The following FYB1 variants were observed in gnomAD, a reference collection of about 807,000 sequenced individuals.
The protein encoded by FYB1 is FYN-binding protein 1.
In FYB1, 41 loss-of-function variants were observed where a neutral mutation model predicts 94.1. The observed-to-expected ratio is 0.44, with a 90% CI of 0.34 to 0.57. The LOEUF (loss-of-function observed/expected upper bound fraction) is 0.57. Ranked by LOEUF, FYB1 falls within the 20% of genes least tolerant of loss-of-function variation. The pLI is 0.02. For missense variants in FYB1, 1,050 were observed against 976.8 expected (o/e 1.07, Z -1.00); for synonymous variants, 367 against 353.2 (o/e 1.04, Z -0.44).
In FYB1 at chr5:39,202,869, C is replaced by A. The variant is rs376848939; in HGVS notation, c.92G>T (p.Gly31Val). 25 of 1,613,828 alleles carry A rather than the reference C, an allele frequency of 1.5e-5. No homozygotes were observed. Among genetic ancestry groups the A allele is most frequent in the Non-Finnish European group, 4.2e-6 (5 of 1,179,902 alleles). ...GAATAAGTTCTTTCTTGCTTGTATTCCTGAAGATGAGTTTGGCCCTGTGAC... is the reference window on the plus strand; with the variant it reads ...GAATAAGTTCTTTCTTGCTTGTATTACTGAAGATGAGTTTGGCCCTGTGAC... ...FRVTGPNSSS[G>V]IQARKNLFNN... Residue 31 changes from glycine (G) to valine (V), a missense_variant, in exon 2 of 19, where the codon GGA (glycine) becomes GTA (valine). Coordinates refer to ENST00000512982, the MANE Select transcript of FYB1 (RefSeq NM_001465.6).
intron 1 of FYB1, among the ~76,000 whole-genome samples, chr5:39,240,907 T>C (rs1476744041): frequency 6.6e-6 from 1 of 152,150 alleles, no homozygotes; most frequent in Non-Finnish European, 1.5e-5. Flanking sequence ...ATAGCAAAGA[T>C]ACAGAGTCAA....
chr5:39,231,040 G>T (rs998107716), intron 1 of FYB1, among the ~76,000 whole-genome samples: 2 of 146,830 alleles, frequency 1.4e-5, no homozygotes, highest in African/African-American at 5.0e-5. Flanking sequence ...ATATTGATTA[G>T]AACAAGGAGG....
At chr5:39,240,227 A>G (rs754551778) in intron 1 of FYB1, among the ~76,000 whole-genome samples, 12 of 152,230 alleles carry the variant, frequency 7.9e-5, no homozygotes, top group Non-Finnish European at 1.2e-4. Context: ...ACCCTGGAAG[A>G]TAACCTAGGA....
chr5:39,165,250 C>G (rs958953661), intron 2 of FYB1, among the ~76,000 whole-genome samples: 5 of 152,120 alleles, frequency 3.3e-5, no homozygotes, highest in African/African-American at 1.2e-4. Context: ...TACGACAAGG[C>G]TATAGCAACC....
At chr5:39,153,877 G>A (rs1477176183) in intron 2 of FYB1, among the ~76,000 whole-genome samples, 2 of 152,114 alleles carry the variant, frequency 1.3e-5, no homozygotes, top group African/African-American at 4.8e-5. Context: ...GGGCTTTCGA[G>A]ATCTTCCTGC....
rs6868792 is a variant in FYB1, at chr5:39,134,633, C to T, written c.1675+222G>A. 0.42 allele frequency among the ~76,000 whole-genome samples: 64,401 copies of T among 151,938 alleles called. 16,422 individuals carry two copies. Among genetic ancestry groups the T allele is most frequent in the African/African-American group, 0.72 (29,672 of 41,472 alleles). On this transcript the variant is annotated intron_variant, in intron 8 of 18. Transcript: ENST00000512982. Reference sequence around the variant, plus strand: ...CATCAATGAAAAACCTAATGCTGTTCGTTCCTCCTGGAATAATATAAAACT... The same window carrying T: ...CATCAATGAAAAACCTAATGCTGTTTGTTCCTCCTGGAATAATATAAAACT...
At chr5:39,261,502 T>C (rs919204703) in intron 1 of FYB1, among the ~76,000 whole-genome samples, 1 of 152,088 alleles carries the variant, frequency 6.6e-6, no homozygotes. Flanking sequence ...CTCCCAGCAC[T>C]TTGGGAGGCC....
rs751617975 is a variant in FYB1, at chr5:39,153,481, G to A, written c.1259C>T (p.Pro420Leu). 6 of 1,613,952 alleles carry A rather than the reference G, an allele frequency of 3.7e-6. No individual in the cohort carries two copies. Among genetic ancestry groups the A allele is most frequent in the Middle Eastern group, 1.6e-4 (1 of 6,062 alleles). Residue 420 changes from proline to leucine, a missense_variant, in exon 3 of 19, where the codon CCT becomes CTT. Pro to Leu is a moderately conservative substitution (Grantham distance 98). Coordinates refer to ENST00000512982, the MANE Select transcript of FYB1 (RefSeq NM_001465.6). Reference sequence around the variant, plus strand: ...AAACGGAGGTTTAATGTTTCTGGGAGGTAGGCTTGGGACTGGTGGTTGTGA... The same window carrying A: ...AAACGGAGGTTTAATGTTTCTGGGAAGTAGGCTTGGGACTGGTGGTTGTGA... ...HPSQPPVPSL[P>L]PRNIKPPFDL... is the part of the protein sequence containing the mutation.
intron 16 of FYB1, among the ~76,000 whole-genome samples, chr5:39,117,034 C>T (rs1580303774): frequency 1.3e-5 from 2 of 152,094 alleles, no homozygotes; most frequent in East Asian, 3.9e-4. Context: ...TCTGCTTGTG[C>T]CCTGGAGAGA....
intron 3 of FYB1, among the ~76,000 whole-genome samples, chr5:39,149,023 C>T (rs1262236409): frequency 6.6e-6 from 1 of 152,202 alleles, no homozygotes; most frequent in Admixed American, 6.5e-5. Flanking sequence ...TAAACATGCT[C>T]TTTTGACCCA....
chr5:39,230,844 TACACACACACACACACACAC>T (rs10641788), intron 1 of FYB1, among the ~76,000 whole-genome samples: 1 of 143,540 alleles, frequency 7.0e-6, no homozygotes, highest in Non-Finnish European at 1.5e-5. Flanking sequence ...TGTCTCAGTA[TACACACACACACACACACAC>T]ACACACACAC....
chr5:39,240,680 G>T (rs925000465), intron 1 of FYB1, among the ~76,000 whole-genome samples: 1 of 152,182 alleles, frequency 6.6e-6, no homozygotes, highest in African/African-American at 2.4e-5. Flanking sequence ...ACAGATGCTG[G>T]CAAGATTGAG....
intron 2 of FYB1, among the ~76,000 whole-genome samples, chr5:39,174,558 A>G (rs1224648081): frequency 6.6e-6 from 1 of 152,072 alleles, no homozygotes; most frequent in Non-Finnish European, 1.5e-5. Flanking sequence ...CCTGAAAAAC[A>G]CTCTCCCTTT....
chr5:39,174,402 A>G (rs1745519301), intron 2 of FYB1, among the ~76,000 whole-genome samples: 1 of 152,194 alleles, frequency 6.6e-6, no homozygotes, highest in South Asian at 2.1e-4. Flanking sequence ...AAGTCTTTGA[A>G]TTTACTGTTC....
chr5:39,159,267 AC>A (rs1451944317), intron 2 of FYB1, among the ~76,000 whole-genome samples: 1 of 152,178 alleles, frequency 6.6e-6, no homozygotes, highest in Non-Finnish European at 1.5e-5. Flanking sequence ...CGGCATATAG[AC>A]TTTTATTTTC....
At chr5:39,225,907 A>G (rs1046571066) in intron 1 of FYB1, among the ~76,000 whole-genome samples, 1 of 152,194 alleles carries the variant, frequency 6.6e-6, no homozygotes, top group Non-Finnish European at 1.5e-5. Context: ...TAATAGTGTT[A>G]ACAAGTTCCT....
At position 39,105,397 on chromosome 5, in the gene FYB1, CT is replaced by C. The variant is rs1162039732; in HGVS notation, c.*2045del. 1 of 152,096 alleles carries C rather than the reference CT, an allele frequency of 6.6e-6. No individual in the cohort carries two copies. The highest frequency in any genetic ancestry group is 1.5e-5 in the Non-Finnish European group (1 of 68,016). 9.4% of individuals were successfully genotyped at this position (152,096 alleles called of 1,614,324 possible). ...TAAGATGATTATCTATTGTGTAAATCTTTCCTAGGTATGTGTGTCTGTTTCT... is the reference window on the plus strand; with the variant it reads ...TAAGATGATTATCTATTGTGTAAATCTTCCTAGGTATGTGTGTCTGTTTCT... On this transcript the variant is annotated 3_prime_UTR_variant, in exon 19 of 19. Coordinates refer to ENST00000512982, the MANE Select transcript of FYB1 (RefSeq NM_001465.6).
intron 2 of FYB1, among the ~76,000 whole-genome samples, chr5:39,192,903 G>A (rs1747489157): frequency 6.6e-6 from 1 of 152,166 alleles, no homozygotes; most frequent in Admixed American, 6.5e-5. Flanking sequence ...TTTCTCATAG[G>A]CCAGCTCCAG....
At chr5:39,196,105 G>A (rs1747809642) in intron 2 of FYB1, among the ~76,000 whole-genome samples, 1 of 151,906 alleles carries the variant, frequency 6.6e-6, no homozygotes, top group African/African-American at 2.4e-5. Context: ...CTACTGGCAG[G>A]GGTTATCTAT....
Sources: allele counts gnomAD v4.1 joint callset (sites outside exome capture counted in the v4.1 genomes callset), GRCh38; gene constraint gnomAD v4.1.1; transcripts MANE v1.5; gene names NCBI Gene and HGNC (gene_info 2026-07-23, HGNC 2026-07-21).